ABLIM2: variants seen among roughly 807,000 people sequenced by gnomAD.
ABLIM2 encodes the protein actin binding LIM protein family member 2.
ABLIM2 carries 53 observed loss-of-function variants against 97.7 expected under a neutral mutation model. That is an observed-to-expected ratio of 0.54 (90% CI 0.44 to 0.68). The LOEUF is 0.68. ABLIM2 is among the 30% of genes least tolerant of loss of function. ABLIM2 has a pLI of 0.00. For synonymous variants in ABLIM2, 361 were observed against 345.8 expected, an observed-to-expected ratio of 1.04 and a Z score of -0.49; for missense variants, 835 against 867.2, an observed-to-expected ratio of 0.96 and a Z score of 0.47.
At chr4:8,080,098 C>T (rs188564915) in intron 5 of ABLIM2, among the ~76,000 whole-genome samples, 2 of 152,224 alleles carry the variant, frequency 1.3e-5, no homozygotes, top group Admixed American at 1.3e-4. Flanking sequence ...GAAGCCTTCC[C>T]TGGTTCCCAA....
rs1384757585 is a variant in ABLIM2 at position 8,071,607 on chromosome 4, G to GCAA, written c.675+6020_675+6021insTTG. ...TGGGTCCTGCAGAGGGAAGCCAGGG[G>GCAA]CACTGCCAAGCGCCTTAGGGGGCAA... On this transcript the variant is annotated intron_variant, in intron 6 of 20. Transcript: ENST00000447017. This position sits in a 1 kb window ranked among gnomAD's most constrained non-coding sequence, Gnocchi z 6.2. 6.6e-6 allele frequency among the ~76,000 whole-genome samples: 1 copy of GCAA among 152,060 alleles called. No individual in the cohort carries two copies. The highest frequency in any genetic ancestry group is 1.9e-4 in the East Asian group (1 of 5,182).
intron 12 of ABLIM2, among the ~76,000 whole-genome samples, chr4:8,027,230 G>A (rs1320680518): frequency 5.3e-5 from 8 of 152,186 alleles, no homozygotes; most frequent in Non-Finnish European, 7.3e-5. Flanking sequence ...GTTTCCCTGC[G>A]TGACCAGCAT....
intron 1 of ABLIM2, among the ~76,000 whole-genome samples, chr4:8,141,962 A>G (rs1851053246): frequency 6.6e-6 from 1 of 152,150 alleles, no homozygotes; most frequent in African/African-American, 2.4e-5. Context: ...CCCACCAGAA[A>G]ACCTAACCAT....
At position 8,128,179 on chromosome 4, in the gene ABLIM2, C is replaced by T. The variant is rs1848740006; in HGVS notation, c.11-21542G>A. Among the ~76,000 whole-genome samples, 1 of 152,184 alleles carries T rather than the reference C, an allele frequency of 6.6e-6. No individual in the cohort carries two copies. The highest frequency in any genetic ancestry group is 6.5e-5 in the Admixed American group (1 of 15,284). On this transcript the variant is annotated intron_variant, in intron 1 of 20. Transcript: ENST00000447017. The surrounding 1 kb of genome is among the most constrained non-coding windows in gnomAD (Gnocchi z 4.9). ...TTCTGCCCCCACCTTCACAGGCCGTCTTCCCTGTGTGTCTCTGCGTGTCCT... is the reference window on the plus strand; with the variant it reads ...TTCTGCCCCCACCTTCACAGGCCGTTTTCCCTGTGTGTCTCTGCGTGTCCT...
chr4:7,991,898 G>A (rs181809220), intron 17 of ABLIM2, among the ~76,000 whole-genome samples: 64 of 152,306 alleles, frequency 4.2e-4, no homozygotes, highest in African/African-American at 1.4e-3. Flanking sequence ...TGCCCCTGGG[G>A]AGAGTACCTG....
In ABLIM2 at chr4:8,150,053, C is replaced by T. The variant is rs1712110161; in HGVS notation, c.10+8627G>A. ...CACCTGCACCCAAGTTCCCACTGCA[C>T]CTACTCAGGGAGCCTAAATGGAGAG... On this transcript the variant is annotated intron_variant, in intron 1 of 20. Coordinates refer to ENST00000447017, the MANE Select transcript of ABLIM2 (RefSeq NM_001130083.2). This position sits in a 1 kb window ranked among gnomAD's most constrained non-coding sequence, Gnocchi z 6.3. 6.6e-6 allele frequency among the ~76,000 whole-genome samples: 1 copy of T among 152,188 alleles called. No individual in the cohort carries two copies. Among genetic ancestry groups the T allele is most frequent in the Non-Finnish European group, 1.5e-5 (1 of 68,032 alleles).
chr4:8,080,522 C>T (rs1819097577), intron 5 of ABLIM2, among the ~76,000 whole-genome samples, 154 bp downstream of exon 5: 3 of 152,190 alleles, frequency 2.0e-5, no homozygotes, highest in Non-Finnish European at 4.4e-5. Context: ...AGCTCTGAGC[C>T]ATGCTTCTCA....
At chr4:8,057,011 G>T (rs1243290156) in intron 7 of ABLIM2, among the ~76,000 whole-genome samples, 2 of 149,318 alleles carry the variant, frequency 1.3e-5, no homozygotes, top group Admixed American at 6.7e-5. Context: ...GCAACTTTAA[G>T]GGCTATACAA....
rs996675049 is a variant in ABLIM2 at position 8,033,530 on chromosome 4, T to C, written c.1047+2619A>G. On this transcript the variant is annotated intron_variant, in intron 10 of 20. Coordinates refer to ENST00000447017, the MANE Select transcript of ABLIM2 (RefSeq NM_001130083.2). This position sits in a 1 kb window ranked among gnomAD's most constrained non-coding sequence, Gnocchi z 4.5. ...CACACCTGACCCAGGAGCCCAGCCC[T>C]GTCCACCTGCCGAGGCAGGCCCCAT... 6.6e-6 allele frequency among the ~76,000 whole-genome samples: 1 copy of C among 152,184 alleles called. No homozygotes were observed. Among genetic ancestry groups the C allele is most frequent in the African/African-American group, 2.4e-5 (1 of 41,452 alleles).
At chr4:8,091,652 ATAT>A (rs1725719961) in intron 3 of ABLIM2, among the ~76,000 whole-genome samples, 1 of 72,650 alleles carries the variant, frequency 1.4e-5, no homozygotes, top group African/African-American at 5.6e-5. Context: ...TTTATATATT[ATAT>A]AATTATATAT....
At position 8,155,508 on chromosome 4, in the gene ABLIM2, A is replaced by G. The variant is rs1182845460; in HGVS notation, c.10+3172T>C. Among the ~76,000 whole-genome samples the G allele has an allele frequency of 3.9e-5, 6 of 152,110 alleles. No individual in the cohort carries two copies. The highest frequency in any genetic ancestry group is 8.8e-5 in the Non-Finnish European group (6 of 68,018). ...ATGTCCCTTCCAGTTCCATGATCCTAAGAGCAGCATGGAAACAGAAGGCTG... is the reference window on the plus strand; with the variant it reads ...ATGTCCCTTCCAGTTCCATGATCCTGAGAGCAGCATGGAAACAGAAGGCTG... On this transcript the variant is annotated intron_variant, in intron 1 of 20. Transcript: ENST00000447017. This position sits in a 1 kb window ranked among gnomAD's most constrained non-coding sequence, Gnocchi z 4.2.
At position 8,009,098 on chromosome 4, in the gene ABLIM2, G is replaced by A. The variant is rs768921395; in HGVS notation, c.1428C>T (p.Ala476=). Residue 476 remains alanine (A), a synonymous_variant, in exon 15 of 21, where the codon GCC becomes GCT. Transcript: ENST00000447017. ...TTCCATCCTCCCCATCCGATCGCCTGGCAGCTGGAAGGGAAAAATCCATTT... is the reference window on the plus strand; with the variant it reads ...TTCCATCCTCCCCATCCGATCGCCTAGCAGCTGGAAGGGAAAAATCCATTT... The part of the protein sequence containing the change: ...RKPPIYRQHA[A]RRSDGEDGSL... 6.2e-7 allele frequency: 1 copy of A among 1,614,042 alleles called. No homozygotes were observed. Among genetic ancestry groups the A allele is most frequent in the African/African-American group, 1.3e-5 (1 of 75,056 alleles).
chr4:7,991,366 G>A (rs1300017801), intron 17 of ABLIM2, among the ~76,000 whole-genome samples: 1 of 151,258 alleles, frequency 6.6e-6, no homozygotes, highest in African/African-American at 2.4e-5. Flanking sequence ...AAAGTCTCCA[G>A]GACCTCACTC....
At position 8,113,155 on chromosome 4, in the gene ABLIM2, C is replaced by T. The variant is rs536630300; in HGVS notation, c.11-6518G>A. On this transcript the variant is annotated intron_variant, in intron 1 of 20. Coordinates refer to ENST00000447017, the MANE Select transcript of ABLIM2 (RefSeq NM_001130083.2). The surrounding 1 kb of genome is among the most constrained non-coding windows in gnomAD (Gnocchi z 4.5). Reference sequence around the variant, plus strand: ...TGTCAACCAGGCTGGAGTGCAGTGGCGCAGTCTCAGCTCACTGCAGCCTCA... The same window carrying T: ...TGTCAACCAGGCTGGAGTGCAGTGGTGCAGTCTCAGCTCACTGCAGCCTCA... Among the ~76,000 whole-genome samples, 4 of 152,276 alleles carry T rather than the reference C, an allele frequency of 2.6e-5. No homozygotes were observed. Among genetic ancestry groups the T allele is most frequent in the South Asian group, 2.1e-4 (1 of 4,828 alleles).
rs1200615961 is a variant in ABLIM2 at position 8,125,337 on chromosome 4, G to A, written c.11-18700C>T. ...CTGAGTGTTCTTCTAAGAGATTTAC[G>A]GGTTTTTTGGTTTTACTGTAATTTT... On this transcript the variant is annotated intron_variant, in intron 1 of 20. Transcript: ENST00000447017. The surrounding 1 kb of genome is among the most constrained non-coding windows in gnomAD (Gnocchi z 6.2). Among the ~76,000 whole-genome samples, 2 of 152,156 alleles carry A rather than the reference G, an allele frequency of 1.3e-5. No individual in the cohort carries two copies. The highest frequency in any genetic ancestry group is 6.5e-5 in the Admixed American group (1 of 15,282).
rs568403175 is a variant in ABLIM2, at chr4:8,044,618, T to C, written c.900+546A>G. 6.6e-6 allele frequency among the ~76,000 whole-genome samples: 1 copy of C among 151,510 alleles called. No homozygotes were observed. The highest frequency in any genetic ancestry group is 1.9e-4 in the East Asian group (1 of 5,132). Reference sequence around the variant, plus strand: ...AATCATTTTTATATTTGTATGTGATTATGGAAGCGTGTGAGGCGCACAGAC... The same window carrying C: ...AATCATTTTTATATTTGTATGTGATCATGGAAGCGTGTGAGGCGCACAGAC... On this transcript the variant is annotated intron_variant, in intron 9 of 20. Transcript: ENST00000447017. The surrounding 1 kb of genome is among the most constrained non-coding windows in gnomAD (Gnocchi z 4.4).
In ABLIM2 at chr4:8,054,706, T is replaced by C. The variant is rs1457598601; in HGVS notation, c.764-460A>G. On this transcript the variant is annotated intron_variant, in intron 7 of 20. Transcript: ENST00000447017. The surrounding 1 kb of genome is among the most constrained non-coding windows in gnomAD (Gnocchi z 4.9). ...CTGCAACCTGGGTGGGAGCCAGCCT[T>C]GGGGAGGAGGACTTGCAGGGCAGGG... Among the ~76,000 whole-genome samples, 1 of 152,062 alleles carries C rather than the reference T, an allele frequency of 6.6e-6. No homozygotes were observed. The highest frequency in any genetic ancestry group is 2.4e-5 in the African/African-American group (1 of 41,404).
At chr4:8,008,933 G>C in intron 15 of ABLIM2, 117 bp downstream of exon 15, 1 of 1,238,430 alleles carries the variant, frequency 8.1e-7, no homozygotes, top group Non-Finnish European at 1.2e-6. Context: ...GCCTCGCAGG[G>C]CCCCTAAGGA....
intron 8 of ABLIM2, among the ~76,000 whole-genome samples, chr4:8,048,591 C>T (rs942528255): frequency 2.0e-5 from 3 of 152,214 alleles, no homozygotes; most frequent in Non-Finnish European, 4.4e-5. Flanking sequence ...CCTTGGCCAC[C>T]GTGGAGAATT....
Sources: gnomAD v4.1 joint callset for allele counts (sites outside exome capture counted in the v4.1 genomes callset) on GRCh38, gnomAD v4.1.1 for gene constraint, Gnocchi (gnomAD v3.1) non-coding constraint, MANE v1.5 for transcripts, NCBI Gene and HGNC (gene_info 2026-07-23, HGNC 2026-07-21) for gene names.